Variants in P2RX3 observed in about 807,000 individuals in gnomAD.
P2RX3 encodes purinergic receptor P2X 3.
In P2RX3, 41 loss-of-function variants were observed where a neutral mutation model predicts 51.5. The ratio of observed to expected loss-of-function variants is 0.80; its 90% CI spans 0.62 to 1.03. P2RX3 has a LOEUF of 1.03. P2RX3 is among the 50% of genes least tolerant of loss of function. The pLI is 0.00. For synonymous variants in P2RX3, 185 were observed against 191.6 expected (o/e 0.97, Z 0.29); for missense variants, 459 against 522.1 (o/e 0.88, Z 1.18).
In P2RX3 at chr11:57,348,640, G is replaced by A; in HGVS notation, c.499G>A (p.Glu167Lys). The change falls in exon 6 of 12, where the codon GAA becomes AAA. Residue 167 changes from glutamate (E) to lysine (K), a missense_variant. Transcript: ENST00000263314. ...VDTVETPIMM[E>K]AENFTIFIKN... Reference sequence around the variant, plus strand: ...GCTCACCCACAGGCCCATCATGATGGAAGCTGAGAACTTCACTATTTTCAT... The same window carrying A: ...GCTCACCCACAGGCCCATCATGATGAAAGCTGAGAACTTCACTATTTTCAT... 6.2e-7 allele frequency: 1 copy of A among 1,613,922 alleles called. No individual in the cohort carries two copies. The highest frequency in any genetic ancestry group is 8.5e-7 in the Non-Finnish European group (1 of 1,179,900).
In P2RX3 at chr11:57,369,996, A is replaced by G. The variant is rs910530334; in HGVS notation, c.1193A>G (p.Ter398TrpextTer39). The change falls in exon 12 of 12, where the codon TAG becomes TGG. Residue 398 changes from the stop codon to tryptophan (W), a stop_lost. Coordinates refer to ENST00000263314, the MANE Select transcript of P2RX3 (RefSeq NM_002559.5). ...TDSGAFSIGH[*>W] ...TCGGGGGCCTTCTCCATAGGCCACTAGGGCCTCTTTCCAGGGCCCCACACT... is the reference window on the plus strand; with the variant it reads ...TCGGGGGCCTTCTCCATAGGCCACTGGGGCCTCTTTCCAGGGCCCCACACT... The G allele has an allele frequency of 1.2e-6, 2 of 1,605,348 alleles. No individual in the cohort carries two copies. The highest frequency in any genetic ancestry group is 2.7e-5 in the African/African-American group (2 of 74,838).
At chr11:57,349,135 T>C (rs996218537) in intron 6 of P2RX3, among the ~76,000 whole-genome samples, 5 of 152,134 alleles carry the variant, frequency 3.3e-5, no homozygotes, top group Non-Finnish European at 5.9e-5. Context: ...TCAGTGGGCA[T>C]TGGCCATGTG....
In P2RX3 at chr11:57,338,524, T is replaced by C. The variant is rs1321807649; in HGVS notation, c.-27T>C. ...CTGAGGCCACCACTGGGCCCCCTTCTGAGTGTCCCCTGAGCACTCTCTCAG... is the reference window on the plus strand; with the variant it reads ...CTGAGGCCACCACTGGGCCCCCTTCCGAGTGTCCCCTGAGCACTCTCTCAG... On this transcript the variant is annotated 5_prime_UTR_variant, in exon 1 of 12. Coordinates refer to ENST00000263314, the MANE Select transcript of P2RX3 (RefSeq NM_002559.5). 2 of 1,528,558 alleles carry C rather than the reference T, an allele frequency of 1.3e-6. No individual in the cohort carries two copies. The highest frequency in any genetic ancestry group is 1.2e-5 in the South Asian group (1 of 86,022). The allele number at this position is 1,528,558 out of a possible 1,614,324, so 94.7% of individuals were successfully genotyped here.
chr11:57,360,795 C>CAAAA (rs779582766), intron 8 of P2RX3, among the ~76,000 whole-genome samples: 19 of 113,704 alleles, frequency 1.7e-4, no homozygotes, highest in Admixed American at 3.7e-4. Flanking sequence ...GACTCTGTCT[C>CAAAA]AAAAAAAAAA....
intron 1 of P2RX3, among the ~76,000 whole-genome samples, chr11:57,346,324 T>G (rs983736916): frequency 6.6e-6 from 1 of 152,154 alleles, no homozygotes; most frequent in African/African-American, 2.4e-5. Flanking sequence ...GGAGAAAATG[T>G]CTAGAAAGGC....
chr11:57,341,003 G>A (rs1014398677), intron 1 of P2RX3, among the ~76,000 whole-genome samples: 12 of 152,168 alleles, frequency 7.9e-5, no homozygotes, highest in Non-Finnish European at 1.5e-4. Context: ...CACAGAGGCC[G>A]GACCTCAGAC....
chr11:57,338,216 A>G (rs1856269944), upstream of P2RX3, among the ~76,000 whole-genome samples: 3 of 152,284 alleles, frequency 2.0e-5, no homozygotes, highest in South Asian at 6.2e-4. Context: ...TGCAGATAAA[A>G]CATTAGTCCC....
chr11:57,368,515 G>A (rs536185106), intron 10 of P2RX3, 78 bp downstream of exon 10: 46 of 1,528,318 alleles, frequency 3.0e-5, no homozygotes, highest in African/African-American at 1.2e-4. Flanking sequence ...GGGGAGTGAC[G>A]GCGGCAAAAC....
chr11:57,350,641 C>G (rs1856529409), intron 7 of P2RX3, 121 bp from the exon 8 acceptor site: 3 of 1,360,810 alleles, frequency 2.2e-6, no homozygotes, highest in Non-Finnish European at 3.0e-6. Flanking sequence ...TCCCTGCCTC[C>G]GTCTCCCACC....
At chr11:57,363,408 G>T (rs1856749720) in intron 8 of P2RX3, among the ~76,000 whole-genome samples, 1 of 152,260 alleles carries the variant, frequency 6.6e-6, no homozygotes, top group African/African-American at 2.4e-5. Flanking sequence ...GGCCAGTGGG[G>T]GTGGGGAGCG....
chr11:57,343,299 C>T (rs1269633445), intron 1 of P2RX3, among the ~76,000 whole-genome samples: 2 of 152,190 alleles, frequency 1.3e-5, no homozygotes, highest in African/African-American at 4.8e-5. Context: ...CCTTGGAGTC[C>T]TCGGCCCTTT....
intron 8 of P2RX3, among the ~76,000 whole-genome samples, chr11:57,359,455 G>A (rs1856682587): frequency 6.6e-6 from 1 of 152,176 alleles, no homozygotes; most frequent in Non-Finnish European, 1.5e-5. Flanking sequence ...AAGTGTCTGG[G>A]CTCCAGTGGC....
chr11:57,349,794 A>C lies in P2RX3; in HGVS notation c.601A>C (p.Lys201Gln). ...TCCCAACCTGACAGCCAGGGACATGAAGACCTGCCGCTTCCACCCGGACAA... is the reference window on the plus strand; with the variant it reads ...TCCCAACCTGACAGCCAGGGACATGCAGACCTGCCGCTTCCACCCGGACAA... ...LLPNLTARDM[K>Q]TCRFHPDKDP... Residue 201 changes from lysine to glutamine, a missense_variant, in exon 7 of 12, where the codon AAG becomes CAG. Physicochemically the swap from Lys to Gln is moderately conservative, Grantham distance 53 (BLOSUM62 1). Transcript: ENST00000263314. 6.2e-7 allele frequency: 1 copy of C among 1,614,172 alleles called. No individual in the cohort carries two copies.
intron 8 of P2RX3, among the ~76,000 whole-genome samples, chr11:57,356,636 A>T (rs1451382318): frequency 6.6e-6 from 1 of 152,186 alleles, no homozygotes; most frequent in Non-Finnish European, 1.5e-5. Flanking sequence ...AGGCCAATTG[A>T]CAGAGACAGA....
chr11:57,339,275 G>C (rs1856295478), intron 1 of P2RX3, among the ~76,000 whole-genome samples: 1 of 152,120 alleles, frequency 6.6e-6, no homozygotes, highest in Non-Finnish European at 1.5e-5. Context: ...AGGACAAAGA[G>C]GGAACTGCCC....
intron 1 of P2RX3, among the ~76,000 whole-genome samples, 196 bp downstream of exon 1, chr11:57,338,865 T>C (rs1856286120): frequency 6.6e-6 from 1 of 152,168 alleles, no homozygotes; most frequent in Non-Finnish European, 1.5e-5. Context: ...AGGTGAATTC[T>C]TTTCCCAGTT....
chr11:57,346,161 G>T (rs1039675329), intron 1 of P2RX3, among the ~76,000 whole-genome samples: 3 of 152,198 alleles, frequency 2.0e-5, no homozygotes, highest in African/African-American at 7.2e-5. Context: ...AGCATGGAAT[G>T]ACTTTGAGCC....
intron 8 of P2RX3, among the ~76,000 whole-genome samples, chr11:57,358,908 C>T (rs980291332): frequency 6.6e-6 from 1 of 152,212 alleles, no homozygotes; most frequent in African/African-American, 2.4e-5. Flanking sequence ...CGCACTCACA[C>T]GCACAACATC....
Position 57,368,297 on chromosome 11 carries a change from C to A in P2RX3, c.937-75C>A, listed in dbSNP as rs567538541. The A allele has an allele frequency of 9.9e-5, 151 of 1,520,118 alleles. 3 individuals are homozygous for A. The South Asian group carries it at 1.7e-3, about 17-fold the overall frequency. 94.2% of individuals were successfully genotyped at this position (1,520,118 alleles called of 1,614,324 possible). On this transcript the variant is annotated intron_variant, in intron 9 of 11. Coordinates refer to ENST00000263314, the MANE Select transcript of P2RX3 (RefSeq NM_002559.5). ...GCTGATCCACCAAGAACCCTTCTGGCGCCACGTGCAGCCTCGGGCCTCACC... is the reference window on the plus strand; with the variant it reads ...GCTGATCCACCAAGAACCCTTCTGGAGCCACGTGCAGCCTCGGGCCTCACC...
Sources: gnomAD v4.1 joint callset for allele counts (sites outside exome capture counted in the v4.1 genomes callset) on GRCh38, gnomAD v4.1.1 for gene constraint, MANE v1.5 for transcripts, NCBI Gene and HGNC (gene_info 2026-07-23, HGNC 2026-07-21) for gene names.